KLF12: variants seen among roughly 807,000 people sequenced by gnomAD.
The protein encoded by KLF12 is KLF transcription factor 12, also known as Krueppel-like factor 12.
In KLF12, 9 loss-of-function variants were observed where a neutral mutation model predicts 37.8. The ratio of observed to expected loss-of-function variants is 0.24; its 90% CI spans 0.14 to 0.42. KLF12 has a LOEUF of 0.42. KLF12 is among the 10% of genes least tolerant of loss of function. KLF12 has a pLI of 1.00. For synonymous variants in KLF12, 208 were observed against 202.1 expected, an observed-to-expected ratio of 1.03 and a Z score of -0.25; for missense variants, 411 against 516.0, an observed-to-expected ratio of 0.80 and a Z score of 1.97.
chr13:73,971,011 T>C (rs1891319691), intron 2 of KLF12, among the ~76,000 whole-genome samples: 1 of 152,174 alleles, frequency 6.6e-6, no homozygotes, highest in African/African-American at 2.4e-5. Flanking sequence ...ACAGAAAAGT[T>C]GTCAGTAGTT....
chr13:74,126,799 C>T (rs1460494787), intron 1 of KLF12, among the ~76,000 whole-genome samples: 1 of 152,120 alleles, frequency 6.6e-6, no homozygotes, highest in African/African-American at 2.4e-5. Flanking sequence ...ATATAAATGG[C>T]ATTTCAGAGG....
At chr13:74,186,619 G>T in the KLF12 span, among the ~76,000 whole-genome samples, 2,480 of 152,216 alleles carry the variant, frequency 0.016, 67 homozygotes, top group African/African-American at 0.053. Context: ...TCCCAAGGTG[G>T]TGTGTGAGAC....
rs183479327 is a variant in KLF12, at chr13:73,705,312, C to T, written c.1028-9641G>A. ...ATTTTGAGATGGAGTCTTGCTCTGT[C>T]GCCCAGGCTGGAGTGCAGTGGCATG... On this transcript the variant is annotated intron_variant, in intron 7 of 7. Coordinates refer to ENST00000377669, the MANE Select transcript of KLF12 (RefSeq NM_007249.5). Among the ~76,000 whole-genome samples the T allele has an allele frequency of 2.9e-3, 436 of 152,262 alleles. 5 individuals are homozygous for T. The highest frequency in any genetic ancestry group is 8.7e-3 in the African/African-American group (362 of 41,560).
intron 2 of KLF12, among the ~76,000 whole-genome samples, chr13:73,979,707 G>A (rs906921429): frequency 1.3e-5 from 2 of 152,120 alleles, no homozygotes; most frequent in African/African-American, 4.8e-5. Flanking sequence ...GATACAGCGA[G>A]GTTAAACATA....
At chr13:73,858,697 T>G (rs985157634) in intron 3 of KLF12, among the ~76,000 whole-genome samples, 2 of 152,168 alleles carry the variant, frequency 1.3e-5, no homozygotes, top group African/African-American at 4.8e-5. Context: ...GGTAACAGCA[T>G]TTTCCCCCCT....
chr13:74,226,791 AC>A, the KLF12 span, among the ~76,000 whole-genome samples: 1 of 152,176 alleles, frequency 6.6e-6, no homozygotes, highest in Non-Finnish European at 1.5e-5. Context: ...TGGGAAAGGT[AC>A]CCTAACTTTC....
intron 2 of KLF12, among the ~76,000 whole-genome samples, chr13:73,980,614 G>C (rs77308561): frequency 6.6e-6 from 1 of 152,030 alleles, no homozygotes; most frequent in East Asian, 1.9e-4. Context: ...AATCAATCCT[G>C]AATATCTACC....
At chr13:74,245,579 G>A in the KLF12 span, among the ~76,000 whole-genome samples, 1 of 152,126 alleles carries the variant, frequency 6.6e-6, no homozygotes, top group Non-Finnish European at 1.5e-5. Flanking sequence ...AGATTAAAAA[G>A]TTGAGGCTTA....
intron 1 of KLF12, among the ~76,000 whole-genome samples, chr13:74,092,969 C>G (rs374564395): frequency 1.8e-4 from 28 of 152,304 alleles, no homozygotes; most frequent in African/African-American, 3.8e-4. Flanking sequence ...AACAAAAAAT[C>G]CAGACAACTT....
the KLF12 span, among the ~76,000 whole-genome samples, chr13:74,152,921 A>G: frequency 6.7e-6 from 1 of 148,980 alleles, no homozygotes; most frequent in East Asian, 2.0e-4. Context: ...TAATAATAAT[A>G]ATAATAATAA....
At chr13:74,301,833 C>T in the KLF12 span, among the ~76,000 whole-genome samples, 36 of 152,190 alleles carry the variant, frequency 2.4e-4, no homozygotes, top group African/African-American at 8.7e-4. Context: ...GTATTCTTGC[C>T]CGCCCCAATT....
At chr13:74,241,816 A>G in the KLF12 span, among the ~76,000 whole-genome samples, 4 of 152,142 alleles carry the variant, frequency 2.6e-5, no homozygotes, top group African/African-American at 4.8e-5. Context: ...CGCACGGTGC[A>G]TGCACCCACT....
chr13:73,724,873 G>C lies in KLF12; in HGVS notation c.870-9348C>G, dbSNP rs1310275403. On this transcript the variant is annotated intron_variant, in intron 6 of 7. Transcript: ENST00000377669. ...CCGCTTTCCAATGATGTTGTAGAAA[G>C]ATCTGTGTGGTACTTTTACTTAGTA... Among the ~76,000 whole-genome samples, 3 of 152,168 alleles carry C rather than the reference G, an allele frequency of 2.0e-5. No individual in the cohort carries two copies. In the East Asian group the frequency reaches 5.8e-4, roughly 29 times the overall value.
At chr13:74,251,548 G>A in the KLF12 span, among the ~76,000 whole-genome samples, 1 of 152,078 alleles carries the variant, frequency 6.6e-6, no homozygotes, top group African/African-American at 2.4e-5. Context: ...GGTCTGATGT[G>A]CTAAGTTCCT....
chr13:74,083,493 GACAC>G (rs61312097), intron 1 of KLF12, among the ~76,000 whole-genome samples: 18,565 of 136,312 alleles, frequency 0.14, 1,342 homozygotes, highest in Admixed American at 0.18. Context: ...GGCGATAGGA[GACAC>G]ACACACACAC....
chr13:73,950,395 G>A (rs1318049251), intron 2 of KLF12, among the ~76,000 whole-genome samples: 2 of 152,108 alleles, frequency 1.3e-5, no homozygotes, highest in South Asian at 2.1e-4. Context: ...TTTGTTCATT[G>A]GGCAGAGGAT....
At chr13:74,268,193 T>A in the KLF12 span, among the ~76,000 whole-genome samples, 1 of 152,212 alleles carries the variant, frequency 6.6e-6, no homozygotes, top group Non-Finnish European at 1.5e-5. Flanking sequence ...GCTATCACTG[T>A]TGCTGAGGGC....
intron 2 of KLF12, among the ~76,000 whole-genome samples, chr13:73,956,762 A>G (rs936929973): frequency 6.7e-6 from 1 of 150,096 alleles, no homozygotes; most frequent in Non-Finnish European, 1.5e-5. Flanking sequence ...CTCTACAAAA[A>G]ATAACAATAA....
chr13:74,007,429 G>A (rs1350364996), intron 1 of KLF12, among the ~76,000 whole-genome samples: 1 of 77,376 alleles, frequency 1.3e-5, no homozygotes, highest in African/African-American at 4.5e-5. Flanking sequence ...CCGCCACCAC[G>A]CCCGGTAATT....
Sources: gnomAD v4.1 joint callset for allele counts (sites outside exome capture counted in the v4.1 genomes callset) on GRCh38, gnomAD v4.1.1 for gene constraint, MANE v1.5 for transcripts, NCBI Gene and HGNC (gene_info 2026-07-23, HGNC 2026-07-21) for gene names.